The following CTNNA3 variants were observed in gnomAD, a reference collection of about 807,000 sequenced individuals.
CTNNA3 encodes catenin alpha 3, also known as catenin alpha-3.
CTNNA3 carries 76 observed loss-of-function variants against 95.7 expected under a neutral mutation model. The observed-to-expected ratio is 0.79, with a 90% CI of 0.66 to 0.96. The LOEUF (loss-of-function observed/expected upper bound fraction) is 0.96, where lower values mean the gene tolerates loss of function less well. CTNNA3 is among the 40% of genes least tolerant of loss of function. The probability of loss-of-function intolerance (pLI) is 0.00; values close to 1 mark genes in which losing one functional copy is unlikely to be tolerated. For synonymous variants in CTNNA3, 431 were observed against 374.4 expected (o/e 1.15, Z -1.74); for missense variants, 1,191 against 1,089.8 (o/e 1.09, Z -1.31).
At chr10:66,048,482 T>C (rs902960306) in intron 15 of CTNNA3, among the ~76,000 whole-genome samples, 1 of 152,012 alleles carries the variant, frequency 6.6e-6, no homozygotes, top group Non-Finnish European at 1.5e-5. Flanking sequence ...AACTCAAGGC[T>C]CAGCGCGGTG....
At chr10:67,487,003 T>C (rs1195277147) in intron 5 of CTNNA3, among the ~76,000 whole-genome samples, 1 of 152,110 alleles carries the variant, frequency 6.6e-6, no homozygotes, top group Non-Finnish European at 1.5e-5. Context: ...TAACTAAACC[T>C]ATCATCCCAA....
At position 66,222,274 on chromosome 10, in the gene CTNNA3, C is replaced by T. The variant is rs187212961; in HGVS notation, c.1884+58196G>A. Among the ~76,000 whole-genome samples the T allele has an allele frequency of 3.0e-3, 457 of 152,074 alleles. 1 individual carries two copies. The highest frequency in any genetic ancestry group is 0.017 in the Middle Eastern group (5 of 294). The stretch of plus-strand genomic sequence containing the variant: ...GTAATCTTATGGAAATGACACCCAC[C>T]CCTACACAGCGTATAACCAGGAGTC... On this transcript the variant is annotated intron_variant, in intron 13 of 17. Transcript: ENST00000433211.
At chr10:66,566,014 C>T (rs377562565) in intron 10 of CTNNA3, among the ~76,000 whole-genome samples, 19 of 152,092 alleles carry the variant, frequency 1.2e-4, no homozygotes, top group South Asian at 6.2e-4. Context: ...GAAACCAGAA[C>T]GCTAACGGAT....
At chr10:67,294,531 A>G (rs1839959708) in intron 5 of CTNNA3, among the ~76,000 whole-genome samples, 1 of 152,180 alleles carries the variant, frequency 6.6e-6, no homozygotes, top group Non-Finnish European at 1.5e-5. Flanking sequence ...TAAGAAGAAG[A>G]ATAATGACTA....
intron 7 of CTNNA3, among the ~76,000 whole-genome samples, chr10:67,123,295 TTGAG>T (rs1859555802): frequency 1.3e-5 from 2 of 152,136 alleles, no homozygotes; most frequent in South Asian, 4.1e-4. Context: ...CAAATATTTA[TTGAG>T]TATCTGCTTG....
chr10:66,366,236 G>A (rs982463292), intron 12 of CTNNA3, among the ~76,000 whole-genome samples: 3 of 152,104 alleles, frequency 2.0e-5, no homozygotes, highest in South Asian at 2.1e-4. Context: ...CATGAGAAAC[G>A]TTTGCCCATT....
At chr10:67,516,003 C>T (rs2133144112) in intron 5 of CTNNA3, among the ~76,000 whole-genome samples, 1 of 152,174 alleles carries the variant, frequency 6.6e-6, no homozygotes, top group East Asian at 1.9e-4. Flanking sequence ...GCTCTTGTCA[C>T]CCAGGCTGGA....
chr10:67,700,567 T>C (rs1332416293), upstream of CTNNA3, among the ~76,000 whole-genome samples: 1 of 152,166 alleles, frequency 6.6e-6, no homozygotes, highest in Non-Finnish European at 1.5e-5. Context: ...CTGAGGGTCC[T>C]GAATGTTAGA....
At chr10:66,151,786 A>G (rs2084213606) in intron 13 of CTNNA3, among the ~76,000 whole-genome samples, 1 of 151,970 alleles carries the variant, frequency 6.6e-6, no homozygotes. Flanking sequence ...CAGAGTTAAA[A>G]GCACCAACCA....
At chr10:67,636,223 G>C (rs7913066) in intron 2 of CTNNA3, among the ~76,000 whole-genome samples, 1 of 152,094 alleles carries the variant, frequency 6.6e-6, no homozygotes, top group South Asian at 2.1e-4. Context: ...AATCAATGTC[G>C]TTAGAATGGC....
intron 5 of CTNNA3, among the ~76,000 whole-genome samples, chr10:67,477,999 C>G (rs375986951): frequency 6.6e-6 from 1 of 152,144 alleles, no homozygotes; most frequent in Non-Finnish European, 1.5e-5. Flanking sequence ...TCAGTCAGAG[C>G]TTCTGGAATT....
chr10:67,035,912 T>C (rs1056944245), intron 7 of CTNNA3, among the ~76,000 whole-genome samples: 28 of 152,224 alleles, frequency 1.8e-4, no homozygotes, highest in Non-Finnish European at 4.1e-4. Context: ...CAAGTTATGC[T>C]TTCACTTTCT....
At chr10:66,115,777 G>A (rs76562882) in intron 13 of CTNNA3, among the ~76,000 whole-genome samples, 1,740 of 152,172 alleles carry the variant, frequency 0.011, 64 homozygotes, top group East Asian at 0.081. Flanking sequence ...TGCCTGCTGT[G>A]TTCCAGCCAC....
intron 1 of CTNNA3, among the ~76,000 whole-genome samples, chr10:67,758,883 A>G (rs182765453): frequency 2.8e-4 from 43 of 152,312 alleles, no homozygotes; most frequent in Admixed American, 1.0e-3. Flanking sequence ...CTGGTATCAC[A>G]CATTTAAGAA....
rs1386252020 is a variant in CTNNA3, at chr10:66,367,874, AATAATAATT to A, written c.1732+11269_1732+11277del. On this transcript the variant is annotated intron_variant, in intron 12 of 17. Coordinates refer to ENST00000433211, the MANE Select transcript of CTNNA3 (RefSeq NM_013266.4). The stretch of plus-strand genomic sequence containing the variant: ...TTATAATAATAATAATAATAATAAT[AATAATAATT>A]ATTATTATTATTATTATTATTATTA... Among the ~76,000 whole-genome samples, 294 of 42,812 alleles carry A rather than the reference AATAATAATT, an allele frequency of 6.9e-3. 1 individual carries two copies. Among genetic ancestry groups the A allele is most frequent in the African/African-American group, 0.018 (259 of 14,314 alleles). 28.1% of individuals were successfully genotyped at this position (42,812 alleles called of 152,430 possible). A position where few individuals can be genotyped will look rare whatever the true frequency, so the allele number is the denominator to read the frequency against.
chr10:67,639,655 A>C (rs1589521227), intron 2 of CTNNA3, among the ~76,000 whole-genome samples: 1 of 116,480 alleles, frequency 8.6e-6, no homozygotes, highest in South Asian at 2.6e-4. Context: ...AACCTTATCC[A>C]CCATGATCTA....
At chr10:66,025,545 T>C (rs557282302) in intron 15 of CTNNA3, among the ~76,000 whole-genome samples, 10 of 152,208 alleles carry the variant, frequency 6.6e-5, no homozygotes, top group Non-Finnish European at 5.9e-5. Flanking sequence ...TTTTACATCA[T>C]TGAATGTGTT....
At chr10:67,554,221 C>T (rs1170729474) in intron 3 of CTNNA3, among the ~76,000 whole-genome samples, 2 of 152,160 alleles carry the variant, frequency 1.3e-5, no homozygotes, top group African/African-American at 2.4e-5. Context: ...AATAAACATA[C>T]GTGTGCATGT....
At chr10:67,499,861 G>T (rs1839171979) in intron 5 of CTNNA3, among the ~76,000 whole-genome samples, 1 of 151,912 alleles carries the variant, frequency 6.6e-6, no homozygotes, top group Non-Finnish European at 1.5e-5. Context: ...TATCTATTTT[G>T]TTAATCTTTT....
Sources: allele counts gnomAD v4.1 joint callset (sites outside exome capture counted in the v4.1 genomes callset), GRCh38; gene constraint gnomAD v4.1.1; transcripts MANE v1.5; gene names NCBI Gene and HGNC (gene_info 2026-07-23, HGNC 2026-07-21).